Variants in AP2A2 observed in about 807,000 individuals in gnomAD.
The protein encoded by AP2A2 is AP-2 complex subunit alpha-2.
Under a neutral mutation model 104.2 loss-of-function variants are expected in AP2A2, and 32 were observed. The ratio of observed to expected loss-of-function variants is 0.31; its 90% CI spans 0.23 to 0.41. The LOEUF (loss-of-function observed/expected upper bound fraction) is 0.41. Among genes scored for constraint, AP2A2 ranks in the 10% least tolerant of loss-of-function variants. The probability of loss-of-function intolerance (pLI) is 1.00; values close to 1 mark genes in which losing one functional copy is unlikely to be tolerated. For missense variants in AP2A2, 912 were observed against 1,261.0 expected (o/e 0.72, Z 4.19); for synonymous variants, 539 against 533.3 (o/e 1.01, Z -0.15).
At chr11:944,518 GAA>G (rs1161108852) in intron 1 of AP2A2, among the ~76,000 whole-genome samples, 4 of 152,168 alleles carry the variant, frequency 2.6e-5, no homozygotes, top group Non-Finnish European at 4.4e-5. Context: ...ACACAACAGA[GAA>G]ATATCATTCT....
In AP2A2 at chr11:925,909, C is replaced by T. The variant is rs965815170; in HGVS notation, c.-113C>T. ...GGACCCTGAGGCGGCCGTGGTTAGG[C>T]GGCTCCCCGGCGGCTCCTCCGCGGC... On this transcript the variant is annotated 5_prime_UTR_variant, in exon 1 of 22. Coordinates refer to ENST00000448903, the MANE Select transcript of AP2A2 (RefSeq NM_012305.4). 16 of 784,426 alleles carry T rather than the reference C, an allele frequency of 2.0e-5. No homozygotes were observed. Among genetic ancestry groups the T allele is most frequent in the South Asian group, 6.8e-5 (2 of 29,220 alleles). 48.6% of individuals were successfully genotyped at this position (784,426 alleles called of 1,614,324 possible). A position where few individuals can be genotyped will look rare whatever the true frequency, so the allele number is the denominator to read the frequency against.
chr11:992,339 T>C lies in AP2A2; in HGVS notation c.1270-164T>C, dbSNP rs1855687387. 2 of 711,282 alleles carry C rather than the reference T, an allele frequency of 2.8e-6. No homozygotes were observed. The highest frequency in any genetic ancestry group is 1.8e-5 in the South Asian group (1 of 56,660). 44.1% of individuals were successfully genotyped at this position (711,282 alleles called of 1,614,324 possible). On this transcript the variant is annotated intron_variant, in intron 10 of 21. Transcript: ENST00000448903. This position sits in a 1 kb window ranked among gnomAD's most constrained non-coding sequence, Gnocchi z 6.4. Reference sequence around the variant, plus strand: ...TCAGGGCATCTTAAACTTTCTGGGCTCGTGGGCTTTTTTGAGAATCGAGTT... The same window carrying C: ...TCAGGGCATCTTAAACTTTCTGGGCCCGTGGGCTTTTTTGAGAATCGAGTT...
chr11:981,457 C>T, intron 6 of AP2A2, 158 bp downstream of exon 6: 1 of 630,338 alleles, frequency 1.6e-6, no homozygotes, highest in Non-Finnish European at 2.8e-6. Context: ...GAGAACTGTC[C>T]TGTCTGTACA....
rs1199078922 is a variant in AP2A2 at position 1,009,737 on chromosome 11, T to A, written c.2662T>A (p.Phe888Ile). The A allele has an allele frequency of 6.4e-7, 1 of 1,558,338 alleles. No homozygotes were observed. The highest frequency in any genetic ancestry group is 8.7e-7 in the Non-Finnish European group (1 of 1,150,250). The change falls in exon 21 of 22, where the codon TTC (phenylalanine) becomes ATC (isoleucine). Residue 888 changes from phenylalanine to isoleucine, a missense_variant. By Grantham distance (21) the Phe-to-Ile change is conservative. Transcript: ENST00000448903. Reference sequence around the variant, plus strand: ...AGAAGTTGATCCTAATCCTGCGAATTTCGTGGGAGCTGGAATCATCCACAC... The same window carrying A: ...AGAAGTTGATCCTAATCCTGCGAATATCGTGGGAGCTGGAATCATCCACAC... ...LEEVDPNPAN[F>I]VGAGIIHTKT...
chr11:970,698 G>A (rs1854792631), intron 3 of AP2A2, among the ~76,000 whole-genome samples: 1 of 152,258 alleles, frequency 6.6e-6, no homozygotes, highest in African/African-American at 2.4e-5. Flanking sequence ...GGTGCTCTGT[G>A]CCCATGAGGT....
In AP2A2 at chr11:977,024, G is replaced by T. The variant is rs980107183; in HGVS notation, c.474-71G>T. 2.0e-5 allele frequency: 31 copies of T among 1,583,280 alleles called. No individual in the cohort carries two copies. In the Middle Eastern group the frequency reaches 6.7e-4, roughly 34 times the overall value. On this transcript the variant is annotated intron_variant, in intron 4 of 21. Transcript: ENST00000448903. The stretch of plus-strand genomic sequence containing the variant: ...CACCCCCGCGTCTCCTGCTGGCTCT[G>T]GGGGGGTGCTCCGTGCAGCTCTGCG...
At chr11:977,582 C>T (rs1281549610) in intron 5 of AP2A2, among the ~76,000 whole-genome samples, 2 of 151,122 alleles carry the variant, frequency 1.3e-5, no homozygotes, top group African/African-American at 4.9e-5. Flanking sequence ...TACTAATCCT[C>T]GTGCCTACTC....
chr11:967,188 A>G (rs1270244732), intron 2 of AP2A2, among the ~76,000 whole-genome samples: 1 of 151,800 alleles, frequency 6.6e-6, no homozygotes, highest in Non-Finnish European at 1.5e-5. Context: ...AAAAATAACC[A>G]AGCAGGTTTC....
intron 16 of AP2A2, among the ~76,000 whole-genome samples, chr11:1,004,671 G>A (rs1856144932): frequency 6.6e-6 from 1 of 152,054 alleles, no homozygotes; most frequent in South Asian, 2.1e-4. Flanking sequence ...AGCTACTTGG[G>A]AGGCAAAGGT....
chr11:960,476 G>C (rs1854394046), intron 2 of AP2A2, among the ~76,000 whole-genome samples: 1 of 152,178 alleles, frequency 6.6e-6, no homozygotes, highest in African/African-American at 2.4e-5. Context: ...GGCCTCAAGT[G>C]ATCTGCCCGC....
chr11:976,026 C>G (rs1266051507), intron 4 of AP2A2, among the ~76,000 whole-genome samples: 1 of 152,234 alleles, frequency 6.6e-6, no homozygotes, highest in Non-Finnish European at 1.5e-5. Flanking sequence ...CTGGTTGGCT[C>G]TTCTATGTTG....
At chr11:995,228 C>T (rs1855812101) in intron 14 of AP2A2, 1 of 448,028 alleles carries the variant, frequency 2.2e-6, no homozygotes, top group South Asian at 1.6e-5. Context: ...ACCTGTCCTG[C>T]CCTGCTCTTC....
chr11:976,167 C>T (rs1349310833), intron 4 of AP2A2, among the ~76,000 whole-genome samples: 2 of 152,110 alleles, frequency 1.3e-5, no homozygotes, highest in African/African-American at 2.4e-5. Context: ...GGTGTGTGTG[C>T]GGTTGCTGCT....
intron 5 of AP2A2, among the ~76,000 whole-genome samples, chr11:978,839 G>A (rs947215063): frequency 3.3e-5 from 5 of 152,162 alleles, no homozygotes; most frequent in Non-Finnish European, 5.9e-5. Context: ...AAGCGTGGGC[G>A]GGACCAGGTG....
chr11:977,259 C>T, intron 5 of AP2A2, 35 bp downstream of exon 5: 1 of 1,549,692 alleles, frequency 6.5e-7, no homozygotes, highest in Non-Finnish European at 8.7e-7. Flanking sequence ...CCCCGCTCCC[C>T]CAGGTGACCT....
At chr11:941,845 C>T (rs1853657699) in intron 1 of AP2A2, among the ~76,000 whole-genome samples, 1 of 152,052 alleles carries the variant, frequency 6.6e-6, no homozygotes, top group South Asian at 2.1e-4. Flanking sequence ...CCTTGGCCTC[C>T]CAAAGTGGTG....
intron 1 of AP2A2, among the ~76,000 whole-genome samples, chr11:929,660 G>A (rs1284231794): frequency 6.6e-6 from 1 of 152,204 alleles, no homozygotes; most frequent in Admixed American, 6.5e-5. Context: ...GCCAGGCGTG[G>A]TGGCACGCAC....
chr11:947,788 C>T (rs1476791225), intron 1 of AP2A2, among the ~76,000 whole-genome samples: 1 of 126,932 alleles, frequency 7.9e-6, no homozygotes, highest in East Asian at 2.0e-4. Context: ...AAAGTGAGAC[C>T]CCCGTCTCTA....
In AP2A2 at chr11:961,416, AAAAGT is replaced by A. The variant is rs1854432322; in HGVS notation, c.136+1916_136+1920del. Among the ~76,000 whole-genome samples, 6 of 149,240 alleles carry A rather than the reference AAAAGT, an allele frequency of 4.0e-5. No individual in the cohort carries two copies. In the South Asian group the frequency reaches 1.3e-3, roughly 32 times the overall value. ...GGTCTGACAGTCGCCACCACTAGTG[AAAAGT>A]AAAGGGCAGAAGCAGATGGAGATGT... is the stretch of plus-strand genomic sequence containing the variant. On this transcript the variant is annotated intron_variant, in intron 2 of 21. Coordinates refer to ENST00000448903, the MANE Select transcript of AP2A2 (RefSeq NM_012305.4).
Sources: gnomAD v4.1 joint callset for allele counts (sites outside exome capture counted in the v4.1 genomes callset) on GRCh38, gnomAD v4.1.1 for gene constraint, Gnocchi (gnomAD v3.1) non-coding constraint, MANE v1.5 for transcripts, NCBI Gene and HGNC (gene_info 2026-07-23, HGNC 2026-07-21) for gene names.